Variants in KIAA0825 observed in about 807,000 individuals in gnomAD.
The protein encoded by KIAA0825 is KIAA0825, also known as uncharacterized protein KIAA0825.
Under a neutral mutation model 147.6 loss-of-function variants are expected in KIAA0825, and 119 were observed. The observed-to-expected ratio is 0.81, with a 90% CI of 0.69 to 0.94. The LOEUF (loss-of-function observed/expected upper bound fraction) is 0.94. Ranked by LOEUF, KIAA0825 falls within the 40% of genes least tolerant of loss-of-function variation. The pLI, the probability that KIAA0825 is intolerant of heterozygous loss-of-function variation, is 0.00. For synonymous variants in KIAA0825, 470 were observed against 518.1 expected (o/e 0.91, Z 1.26); for missense variants, 1,381 against 1,472.7 (o/e 0.94, Z 1.02).
At chr5:94,202,568 A>G (rs1020275463) in intron 20 of KIAA0825, among the ~76,000 whole-genome samples, 1 of 152,222 alleles carries the variant, frequency 6.6e-6, no homozygotes, top group African/African-American at 2.4e-5. Flanking sequence ...TTTCTGCACC[A>G]GGAAACACCA....
intron 17 of KIAA0825, among the ~76,000 whole-genome samples, chr5:94,394,894 GGTCA>G (rs1192459152): frequency 6.6e-6 from 1 of 152,042 alleles, no homozygotes. Flanking sequence ...CATTTCTAGA[GGTCA>G]GTATGATGAG....
At chr5:94,585,494 C>A (rs1300199898) in intron 1 of KIAA0825, among the ~76,000 whole-genome samples, 1 of 152,154 alleles carries the variant, frequency 6.6e-6, no homozygotes, top group Non-Finnish European at 1.5e-5. Context: ...AGCTAACTAT[C>A]CTAAACATAT....
Position 94,470,076 on chromosome 5 carries a change from T to G in KIAA0825, c.1757A>C (p.Glu586Ala). 6.4e-7 allele frequency: 1 copy of G among 1,551,558 alleles called. No homozygotes were observed. Among genetic ancestry groups the G allele is most frequent in the Non-Finnish European group, 8.7e-7 (1 of 1,146,930 alleles). Residue 586 changes from glutamate (E) to alanine (A), a missense_variant, in exon 10 of 21, where the codon GAA (glutamate) becomes GCA (alanine). By Grantham distance (107) the Glu-to-Ala change is moderately radical (BLOSUM62 -1). Coordinates refer to ENST00000682413, the MANE Select transcript of KIAA0825 (RefSeq NM_001145678.3). ...CTGAAACTGTAGAGTGTTGATGAATTCCTGATATCGTTGGACAAGCACCAG... is the reference window on the plus strand; with the variant it reads ...CTGAAACTGTAGAGTGTTGATGAATGCCTGATATCGTTGGACAAGCACCAG... Reference protein sequence around the residue: ...IFLVLVQRYQEFINTLQFQVT... With the variant: ...IFLVLVQRYQAFINTLQFQVT...
At chr5:94,160,935 T>G (rs1268487851) in intron 20 of KIAA0825, among the ~76,000 whole-genome samples, 1 of 152,190 alleles carries the variant, frequency 6.6e-6, no homozygotes, top group African/African-American at 2.4e-5. Context: ...GTTCTGTACA[T>G]GTGAGCTTTT....
chr5:94,354,034 G>A (rs1783987750), intron 20 of KIAA0825, among the ~76,000 whole-genome samples: 1 of 152,112 alleles, frequency 6.6e-6, no homozygotes, highest in Non-Finnish European at 1.5e-5. Context: ...AGTGTACAAT[G>A]TTCATTCTTC....
chr5:94,154,253 G>A (rs1766823575), intron 20 of KIAA0825, 129 bp from the exon 21 acceptor site: 1 of 667,768 alleles, frequency 1.5e-6, no homozygotes, highest in African/African-American at 1.8e-5. Flanking sequence ...ATTCTTCACT[G>A]ACTGCCTCTT....
At chr5:94,584,730 C>G (rs967073113) in intron 1 of KIAA0825, among the ~76,000 whole-genome samples, 4 of 152,112 alleles carry the variant, frequency 2.6e-5, no homozygotes, top group Admixed American at 2.0e-4. Context: ...CCCCAAGACA[C>G]ACAATCGTCA....
At chr5:94,409,929 T>TA (rs1752533972) in intron 15 of KIAA0825, among the ~76,000 whole-genome samples, 1 of 152,084 alleles carries the variant, frequency 6.6e-6, no homozygotes, top group Admixed American at 6.6e-5. Context: ...ATAATACTGA[T>TA]AATGTCTGGC....
intron 20 of KIAA0825, among the ~76,000 whole-genome samples, chr5:94,269,122 A>T (rs1226935385): frequency 4.6e-5 from 7 of 152,168 alleles, no homozygotes; most frequent in Admixed American, 4.6e-4. Context: ...TGGTTCCCCT[A>T]AAGGTGCCAT....
chr5:94,338,142 T>C (rs1306282617), intron 20 of KIAA0825, among the ~76,000 whole-genome samples: 2 of 152,226 alleles, frequency 1.3e-5, no homozygotes, highest in Non-Finnish European at 1.5e-5. Flanking sequence ...AGATGAGTGA[T>C]AATTCTCTCC....
chr5:94,246,930 A>G (rs1775654509), intron 20 of KIAA0825, among the ~76,000 whole-genome samples: 1 of 152,182 alleles, frequency 6.6e-6, no homozygotes, highest in African/African-American at 2.4e-5. Context: ...AGTGAAAGAT[A>G]TACAGTTTGG....
intron 15 of KIAA0825, among the ~76,000 whole-genome samples, chr5:94,410,179 T>G (rs1386764174): frequency 1.5e-5 from 2 of 133,932 alleles, no homozygotes; most frequent in Non-Finnish European, 3.1e-5. Context: ...ATAGTCTTAA[T>G]AGTACTTTAG....
chr5:94,500,904 A>C (rs1422716453), intron 5 of KIAA0825, among the ~76,000 whole-genome samples: 1 of 152,020 alleles, frequency 6.6e-6, no homozygotes, highest in Non-Finnish European at 1.5e-5. Context: ...CAGTCTCCCT[A>C]GTAGCTGGGA....
intron 5 of KIAA0825, chr5:94,519,147 C>A: frequency 1.2e-6 from 1 of 814,666 alleles, no homozygotes; most frequent in Non-Finnish European, 1.5e-6. Context: ...TGAGATATAG[C>A]TTCTGGAGGA....
At chr5:94,467,379 T>C (rs1419396582) in intron 10 of KIAA0825, among the ~76,000 whole-genome samples, 1 of 152,236 alleles carries the variant, frequency 6.6e-6, no homozygotes, top group Non-Finnish European at 1.5e-5. Context: ...GAGCTTTTAT[T>C]TAGATTATAT....
intron 1 of KIAA0825, among the ~76,000 whole-genome samples, chr5:94,595,605 C>G (rs533852606): frequency 2.0e-5 from 3 of 152,298 alleles, no homozygotes; most frequent in Non-Finnish European, 4.4e-5. Context: ...TTTGGCTCCT[C>G]GTTACTTACG....
chr5:94,178,057 C>T (rs1197195152), intron 20 of KIAA0825, among the ~76,000 whole-genome samples: 1 of 151,862 alleles, frequency 6.6e-6, no homozygotes, highest in Admixed American at 6.6e-5. Context: ...AGGGTTATTC[C>T]TAGAAATTTT....
At chr5:94,472,289 TTATG>T (rs1761299643) in intron 8 of KIAA0825, among the ~76,000 whole-genome samples, 1 of 152,118 alleles carries the variant, frequency 6.6e-6, no homozygotes, top group Admixed American at 6.5e-5. Context: ...TCCCAATTTA[TTATG>T]TATCTTCTCT....
intron 20 of KIAA0825, among the ~76,000 whole-genome samples, chr5:94,243,664 T>TA (rs1554249079): frequency 1.3e-5 from 2 of 152,160 alleles, no homozygotes; most frequent in African/African-American, 2.4e-5. Context: ...CATAAAATCT[T>TA]AGAGTGTTTC....
Sources: gnomAD v4.1 joint callset for allele counts (sites outside exome capture counted in the v4.1 genomes callset) on GRCh38, gnomAD v4.1.1 for gene constraint, MANE v1.5 for transcripts, NCBI Gene and HGNC (gene_info 2026-07-23, HGNC 2026-07-21) for gene names.